The following ACSL4 variants were observed in gnomAD, a reference collection of about 807,000 sequenced individuals.
ACSL4 encodes long-chain-fatty-acid--CoA ligase 4.
Under a neutral mutation model 49.1 loss-of-function variants are expected in ACSL4, and 9 were observed. The observed-to-expected ratio is 0.18, with a 90% CI of 0.11 to 0.32. The LOEUF (loss-of-function observed/expected upper bound fraction) is 0.32. ACSL4 is among the 10% of genes least tolerant of loss of function. The pLI, the probability that ACSL4 is intolerant of heterozygous loss-of-function variation, is 1.00. For missense variants in ACSL4, 333 were observed against 493.7 expected, an observed-to-expected ratio of 0.67 and a Z score of 3.08; for synonymous variants, 191 against 170.3, an observed-to-expected ratio of 1.12 and a Z score of -0.95.
intron 1 of ACSL4, among the ~76,000 whole-genome samples, chrX:109,700,365 C>T (rs1925811151): frequency 9.2e-6 from 1 of 108,391 alleles, no homozygotes; most frequent in Non-Finnish European, 1.9e-5. Context: ...AACCACCTCT[C>T]CACTAGAAAT....
Position 109,669,015 on chromosome X carries a change from G to A in ACSL4, c.1142+19C>T. On this transcript the variant is annotated intron_variant, in intron 10 of 15. Coordinates refer to ENST00000672401, the MANE Select transcript of ACSL4 (RefSeq NM_001318510.2). ...AAAATTTAAAGGCTCAAACCACAGA[G>A]CCTATGAAATGTACTTACAGATTGC... 6.7e-6 allele frequency: 8 copies of A among 1,195,715 alleles called. No homozygotes were observed. The highest frequency in any genetic ancestry group is 9.1e-6 in the Non-Finnish European group (8 of 883,726).
chrX:109,710,416 A>G (rs751101289), intron 1 of ACSL4, among the ~76,000 whole-genome samples: 2 of 112,377 alleles, frequency 1.8e-5, no homozygotes, highest in South Asian at 7.3e-4. Context: ...CAAACACACA[A>G]GACTCTTTAT....
intron 1 of ACSL4, 63 bp from the exon 2 acceptor site, chrX:109,696,259 T>C (rs1265788042): frequency 8.9e-6 from 1 of 111,983 alleles, no homozygotes; most frequent in Non-Finnish European, 1.9e-5. Flanking sequence ...TTAAAAGAAA[T>C]ATCGAGTGCT....
At chrX:109,714,853 T>A (rs1256851270) in intron 1 of ACSL4, among the ~76,000 whole-genome samples, 1 of 112,241 alleles carries the variant, frequency 8.9e-6, no homozygotes, top group African/African-American at 3.2e-5. Flanking sequence ...TCTCAGAACA[T>A]GTCCCTGTCA....
At chrX:109,699,919 C>T (rs1258350069) in intron 1 of ACSL4, among the ~76,000 whole-genome samples, 2 of 111,111 alleles carry the variant, frequency 1.8e-5, no homozygotes, top group Non-Finnish European at 3.8e-5. Context: ...AATCTTTTCC[C>T]CTTAAGAATA....
chrX:109,646,105 T>A (rs1379584378), intron 15 of ACSL4, among the ~76,000 whole-genome samples: 6 of 111,706 alleles, frequency 5.4e-5, no homozygotes, highest in Non-Finnish European at 1.1e-4. Flanking sequence ...CTGTAGAATA[T>A]TATCCAGGAG....
chrX:109,710,826 TTAG>T (rs1383859761), intron 1 of ACSL4, among the ~76,000 whole-genome samples: 2 of 111,943 alleles, frequency 1.8e-5, no homozygotes, highest in Non-Finnish European at 3.8e-5. Flanking sequence ...TCCTCCTGCC[TTAG>T]CCTCCTATAA....
chrX:109,676,552 G>C (rs1923708095), intron 8 of ACSL4, among the ~76,000 whole-genome samples: 1 of 111,092 alleles, frequency 9.0e-6, no homozygotes. Flanking sequence ...ACCTATACTT[G>C]CTTTGTCTTT....
Position 109,680,984 on chromosome X carries a change from A to G in ACSL4, c.655+14T>C. On this transcript the variant is annotated intron_variant, in intron 6 of 15. Coordinates refer to ENST00000672401, the MANE Select transcript of ACSL4 (RefSeq NM_001318510.2). ...GGAATAGGTAAATAAAATTGTTTTT[A>G]CTGCTTTACTTACAGTTTTCTGGGT... The G allele has an allele frequency of 8.3e-7, 1 of 1,207,978 alleles. No homozygotes were observed. Among genetic ancestry groups the G allele is most frequent in the Non-Finnish European group, 1.1e-6 (1 of 892,978 alleles).
intron 15 of ACSL4, among the ~76,000 whole-genome samples, chrX:109,645,329 A>C (rs1934624145): frequency 8.9e-6 from 1 of 112,383 alleles, no homozygotes; most frequent in East Asian, 2.8e-4. Context: ...AGATCTGAGA[A>C]TGGGCAGACT....
chrX:109,663,678 T>G (rs780975440), intron 12 of ACSL4, among the ~76,000 whole-genome samples: 1 of 111,308 alleles, frequency 9.0e-6, no homozygotes, highest in Non-Finnish European at 1.9e-5. Flanking sequence ...TAGAGCTTAG[T>G]GTTCACAGAG....
At chrX:109,683,543 C>A in intron 2 of ACSL4, 168 bp from the exon 3 acceptor site, 1 of 974,072 alleles carries the variant, frequency 1.0e-6, no homozygotes, top group Admixed American at 2.2e-5. Context: ...CTTTTGAAAG[C>A]CTTATTGTGC....
At chrX:109,720,123 C>T (rs903306370) in intron 1 of ACSL4, among the ~76,000 whole-genome samples, 6 of 110,943 alleles carry the variant, frequency 5.4e-5, no homozygotes, top group Non-Finnish European at 1.1e-4. Flanking sequence ...AGTTTGTGAC[C>T]AGCCTGGCCA....
intron 1 of ACSL4, among the ~76,000 whole-genome samples, chrX:109,705,842 C>T (rs1020474354): frequency 2.8e-4 from 31 of 112,118 alleles, no homozygotes; most frequent in African/African-American, 9.1e-4. Context: ...GGATTACAGG[C>T]ATGCACCACC....
chrX:109,644,015 A>C lies in ACSL4; in HGVS notation c.*14T>G, dbSNP rs773057024. Reference sequence around the variant, plus strand: ...GGCTACCTCCTGCACAACTGTCAATAAGACAACAACATTTTATTTGCCCCC... The same window carrying C: ...GGCTACCTCCTGCACAACTGTCAATCAGACAACAACATTTTATTTGCCCCC... On this transcript the variant is annotated 3_prime_UTR_variant, in exon 16 of 16. Coordinates refer to ENST00000672401, the MANE Select transcript of ACSL4 (RefSeq NM_001318510.2). The C allele has an allele frequency of 1.7e-6, 2 of 1,210,905 alleles. No homozygotes were observed. Among genetic ancestry groups the C allele is most frequent in the Admixed American group, 4.3e-5 (2 of 46,046 alleles).
At chrX:109,701,258 C>T (rs1195133806) in intron 1 of ACSL4, among the ~76,000 whole-genome samples, 3 of 109,172 alleles carry the variant, frequency 2.7e-5, no homozygotes, top group African/African-American at 1.0e-4. Flanking sequence ...ACTCTGTCAC[C>T]CAGACTGGAA....
chrX:109,674,130 C>G (rs1166600590), intron 9 of ACSL4, among the ~76,000 whole-genome samples: 1 of 111,236 alleles, frequency 9.0e-6, no homozygotes. Flanking sequence ...CTGACCAATT[C>G]TCACAGTAGG....
At chrX:109,675,298 G>GT (rs1386129717) in intron 8 of ACSL4, among the ~76,000 whole-genome samples, 3 of 111,918 alleles carry the variant, frequency 2.7e-5, no homozygotes, top group Non-Finnish European at 3.8e-5. Context: ...GCCCTTCTTT[G>GT]TTTTTTTTAC....
intron 1 of ACSL4, among the ~76,000 whole-genome samples, chrX:109,730,192 C>T (rs1928317037): frequency 8.9e-6 from 1 of 112,061 alleles, no homozygotes; most frequent in Non-Finnish European, 1.9e-5. Flanking sequence ...ATGCATGAGG[C>T]TATTATTGGG....
Sources: gnomAD v4.1 joint callset for allele counts (sites outside exome capture counted in the v4.1 genomes callset) on GRCh38, gnomAD v4.1.1 for gene constraint, MANE v1.5 for transcripts, NCBI Gene and HGNC (gene_info 2026-07-23, HGNC 2026-07-21) for gene names.